Variants in RPTOR observed in about 807,000 individuals in gnomAD.
RPTOR encodes regulatory associated protein of MTOR complex 1, also known as regulatory-associated protein of mTOR.
RPTOR carries 21 observed loss-of-function variants against 169.9 expected under a neutral mutation model. That is an observed-to-expected ratio of 0.12 (90% CI 0.09 to 0.18). The LOEUF (loss-of-function observed/expected upper bound fraction) is 0.18, where lower values mean the gene tolerates loss of function less well. RPTOR is among the 10% of genes least tolerant of loss of function. The pLI is 1.00. For missense variants in RPTOR, 1,133 were observed against 1,855.9 expected, an observed-to-expected ratio of 0.61 and a Z score of 7.16; for synonymous variants, 732 against 753.2, an observed-to-expected ratio of 0.97 and a Z score of 0.46.
chr17:80,648,892 G>A (rs929159624), intron 3 of RPTOR, among the ~76,000 whole-genome samples: 1 of 152,138 alleles, frequency 6.6e-6, no homozygotes, highest in Non-Finnish European at 1.5e-5. Flanking sequence ...CAAGTCTCAC[G>A]TCCCTGCACG....
chr17:80,560,199 C>T (rs1259671954), intron 1 of RPTOR, among the ~76,000 whole-genome samples: 1 of 152,218 alleles, frequency 6.6e-6, no homozygotes, highest in Non-Finnish European at 1.5e-5. Flanking sequence ...GGTGTCTGTT[C>T]TGCACCAGAG....
chr17:80,798,578 T>C (rs1263534574), intron 7 of RPTOR, among the ~76,000 whole-genome samples: 1 of 151,930 alleles, frequency 6.6e-6, no homozygotes, highest in Non-Finnish European at 1.5e-5. Context: ...GTCAGCAGGA[T>C]GGCGCTCCTC....
intron 28 of RPTOR, among the ~76,000 whole-genome samples, chr17:80,952,473 C>T (rs2069191565): frequency 6.6e-6 from 1 of 152,338 alleles, no homozygotes; most frequent in East Asian, 1.9e-4. Context: ...GCAGGAGGCC[C>T]AAGGCGTGAC....
chr17:80,691,039 C>A (rs1273908123), intron 3 of RPTOR, among the ~76,000 whole-genome samples: 1 of 152,168 alleles, frequency 6.6e-6, no homozygotes, highest in Non-Finnish European at 1.5e-5. Context: ...AAGCAATCTT[C>A]CTGCCTCAGC....
chr17:80,880,551 G>T, intron 14 of RPTOR, 62 bp downstream of exon 14: 1 of 1,465,952 alleles, frequency 6.8e-7, no homozygotes, highest in Non-Finnish European at 9.5e-7. Context: ...CTGCCCACAC[G>T]CTGCACTGCG....
intron 9 of RPTOR, among the ~76,000 whole-genome samples, chr17:80,837,128 G>A (rs1266362282): frequency 1.3e-5 from 2 of 152,152 alleles, no homozygotes; most frequent in Non-Finnish European, 2.9e-5. Flanking sequence ...GCCTCATAAT[G>A]TCCAAGGGGG....
chr17:80,872,114 C>A (rs2068058344), intron 13 of RPTOR, among the ~76,000 whole-genome samples: 1 of 152,188 alleles, frequency 6.6e-6, no homozygotes, highest in South Asian at 2.1e-4. Context: ...CTAGGGAGCA[C>A]GTTTGTGAAG....
At chr17:80,641,838 G>A (rs749539961) in intron 2 of RPTOR, among the ~76,000 whole-genome samples, 1 of 152,202 alleles carries the variant, frequency 6.6e-6, no homozygotes, top group African/African-American at 2.4e-5. Flanking sequence ...AGGTAGGGGT[G>A]ACTATGGGAA....
intron 3 of RPTOR, among the ~76,000 whole-genome samples, chr17:80,691,510 C>T (rs2065991377): frequency 6.6e-6 from 1 of 152,026 alleles, no homozygotes; most frequent in Admixed American, 6.6e-5. Flanking sequence ...GTGTGGCCAC[C>T]CTATTGAATG....
rs1337585631 is a variant in RPTOR at position 80,944,920 on chromosome 17, G to C, written c.3026-747G>C. 2.0e-5 allele frequency among the ~76,000 whole-genome samples: 3 copies of C among 151,498 alleles called. No individual in the cohort carries two copies. In the East Asian group the frequency reaches 5.8e-4, roughly 29 times the overall value. The stretch of plus-strand genomic sequence containing the variant: ...GCAGGAGAATCGCTTGAACCCAGGA[G>C]GCAGAGGTGGCAGTGAGCCAAGATC... On this transcript the variant is annotated intron_variant, in intron 25 of 33. Coordinates refer to ENST00000306801, the MANE Select transcript of RPTOR (RefSeq NM_020761.3).
chr17:80,610,581 G>A (rs950816789), intron 1 of RPTOR, among the ~76,000 whole-genome samples: 4 of 152,134 alleles, frequency 2.6e-5, no homozygotes, highest in Non-Finnish European at 4.4e-5. Context: ...CCTCGTGGCT[G>A]TACTCCCGGG....
rs575340691 is a variant in RPTOR, at chr17:80,789,228, A to C, written c.831-2222A>C. Reference sequence around the variant, plus strand: ...TTATTGACTTTTTTCTCTTGATTTTAGATAGTATACTATCTGTTGTGGATG... The same window carrying C: ...TTATTGACTTTTTTCTCTTGATTTTCGATAGTATACTATCTGTTGTGGATG... On this transcript the variant is annotated intron_variant, in intron 6 of 33. Coordinates refer to ENST00000306801, the MANE Select transcript of RPTOR (RefSeq NM_020761.3). Among the ~76,000 whole-genome samples, 84 of 152,276 alleles carry C rather than the reference A, an allele frequency of 5.5e-4. 1 individual carries two copies. The highest frequency in any genetic ancestry group is 1.9e-3 in the African/African-American group (81 of 41,542).
At chr17:80,782,387 A>AT (rs925032468) in intron 6 of RPTOR, among the ~76,000 whole-genome samples, 10 of 149,878 alleles carry the variant, frequency 6.7e-5, no homozygotes, top group African/African-American at 5.1e-5. Flanking sequence ...TTATTTATTT[A>AT]TTTTTTTATT....
At chr17:80,930,666 A>G (rs1598408377) in intron 24 of RPTOR, among the ~76,000 whole-genome samples, 1 of 152,272 alleles carries the variant, frequency 6.6e-6, no homozygotes, top group Admixed American at 6.5e-5. Context: ...CCCTCCAGGA[A>G]GACCAGAATA....
intron 2 of RPTOR, among the ~76,000 whole-genome samples, chr17:80,634,870 A>G (rs371492497): frequency 1.5e-5 from 1 of 67,802 alleles, no homozygotes; most frequent in Admixed American, 1.2e-4. Context: ...GTGTGTGTGC[A>G]TACTGTGTGC....
At chr17:80,698,348 C>T (rs2066054912) in intron 3 of RPTOR, among the ~76,000 whole-genome samples, 2 of 150,742 alleles carry the variant, frequency 1.3e-5, no homozygotes, top group East Asian at 2.0e-4. Flanking sequence ...CATCTAGGTA[C>T]AGCAACCACG....
chr17:80,857,407 G>A (rs575509719), intron 12 of RPTOR, among the ~76,000 whole-genome samples: 104 of 152,194 alleles, frequency 6.8e-4, no homozygotes, highest in African/African-American at 2.4e-3. Flanking sequence ...TGGCCGTGCC[G>A]TCACAGGTGG....
intron 11 of RPTOR, among the ~76,000 whole-genome samples, chr17:80,850,649 A>T (rs1661081675): frequency 6.6e-6 from 1 of 152,200 alleles, no homozygotes; most frequent in African/African-American, 2.4e-5. Context: ...TTTCATTAGG[A>T]GGTCTATTTG....
intron 3 of RPTOR, among the ~76,000 whole-genome samples, chr17:80,669,174 G>A (rs2065803364): frequency 6.6e-6 from 1 of 152,214 alleles, no homozygotes; most frequent in Non-Finnish European, 1.5e-5. Context: ...TCTAGGGCGT[G>A]GGAATGTGGG....
Sources: gnomAD v4.1 joint callset for allele counts (sites outside exome capture counted in the v4.1 genomes callset) on GRCh38, gnomAD v4.1.1 for gene constraint, MANE v1.5 for transcripts, NCBI Gene and HGNC (gene_info 2026-07-23, HGNC 2026-07-21) for gene names.